Variants in LMO3 observed in about 807,000 individuals in gnomAD.
LMO3 encodes LIM domain only 3, also known as LIM domain only protein 3.
A neutral mutation model predicts 15.8 loss-of-function variants in LMO3; 2 were observed. The ratio of observed to expected loss-of-function variants is 0.13; its 90% CI spans 0.05 to 0.40. LMO3 has a LOEUF of 0.40. Among genes scored for constraint, LMO3 ranks in the 10% least tolerant of loss-of-function variants. The pLI is 0.99. For missense variants in LMO3, 86 were observed against 182.2 expected (o/e 0.47, Z 3.04); for synonymous variants, 62 against 63.8 (o/e 0.97, Z 0.13).
In LMO3 at chr12:16,560,346, C is replaced by A. The variant is rs1453353147; in HGVS notation, c.332+67G>T. 1.3e-6 allele frequency: 2 copies of A among 1,498,916 alleles called. No homozygotes were observed. Among genetic ancestry groups the A allele is most frequent in the Admixed American group, 2.1e-5 (1 of 47,968 alleles). 92.9% of individuals were successfully genotyped at this position (1,498,916 alleles called of 1,614,324 possible). On this transcript the variant is annotated intron_variant, in intron 3 of 3. Coordinates refer to ENST00000537304, the MANE Select transcript of LMO3 (RefSeq NM_018640.5). This position sits in a 1 kb window ranked among gnomAD's most constrained non-coding sequence, Gnocchi z 5.0. ...TTAAATGTATGAATATAATTTCCACCTATTAAATAAATAGCCAGCACAGAG... is the reference window on the plus strand; with the variant it reads ...TTAAATGTATGAATATAATTTCCACATATTAAATAAATAGCCAGCACAGAG...
At chr12:16,606,723 G>C (rs1014910595), upstream of LMO3, 2 of 152,060 alleles carry the variant, frequency 1.3e-5, no homozygotes, top group Non-Finnish European at 2.9e-5. Context: ...AGTGCAGTCA[G>C]CACAACCACA....
chr12:16,577,916 T>C (rs1404688737), intron 2 of LMO3, among the ~76,000 whole-genome samples: 1 of 152,230 alleles, frequency 6.6e-6, no homozygotes, highest in Non-Finnish European at 1.5e-5. Context: ...GTGACATTTT[T>C]AGACTAAAAT....
chr12:16,574,061 G>A (rs1369896555), intron 2 of LMO3: 1 of 152,032 alleles, frequency 6.6e-6, no homozygotes, highest in African/African-American at 2.4e-5. Flanking sequence ...GTGTCCACGT[G>A]GACCTGCAGC....
chr12:16,564,896 G>A (rs941536089), intron 2 of LMO3, among the ~76,000 whole-genome samples: 1 of 151,890 alleles, frequency 6.6e-6, no homozygotes, highest in Non-Finnish European at 1.5e-5. Context: ...AGTGATCTTC[G>A]TGCCTCAGCT....
At position 16,604,948 on chromosome 12, in the gene LMO3, G is replaced by A; in HGVS notation, c.-9+1118C>T. 1 of 1,598,344 alleles carries A rather than the reference G, an allele frequency of 6.3e-7. No homozygotes were observed. Among genetic ancestry groups the A allele is most frequent in the Admixed American group, 1.7e-5 (1 of 60,016 alleles). On this transcript the variant is annotated intron_variant, in intron 1 of 3. Coordinates refer to ENST00000537304, the MANE Select transcript of LMO3 (RefSeq NM_018640.5). The surrounding 1 kb of genome is among the most constrained non-coding windows in gnomAD (Gnocchi z 5.3). ...TTCGCATTGAGCACCAAACCCAAAG[G>A]TAGAAGTAGAAGGGGGTCTCCTTGA...
rs1339828411 is a variant in LMO3 at position 16,585,572 on chromosome 12, C to T, written c.206+15083G>A. Among the ~76,000 whole-genome samples, 1 of 152,190 alleles carries T rather than the reference C, an allele frequency of 6.6e-6. No individual in the cohort carries two copies. ...CCTTTCCTAAATTCCTCTCACTCAG[C>T]TATCTGAGCATCTCTCATGCATCAG... On this transcript the variant is annotated intron_variant, in intron 2 of 3. Transcript: ENST00000537304. This position sits in a 1 kb window ranked among gnomAD's most constrained non-coding sequence, Gnocchi z 4.7.
chr12:16,574,308 G>T (rs939500394), intron 2 of LMO3, among the ~76,000 whole-genome samples: 5 of 152,270 alleles, frequency 3.3e-5, no homozygotes, highest in African/African-American at 1.2e-4. Context: ...CAGGATGTCT[G>T]ATCAACGAAA....
intron 2 of LMO3, among the ~76,000 whole-genome samples, chr12:16,588,490 C>A (rs1411438391): frequency 6.6e-6 from 1 of 151,972 alleles, no homozygotes; most frequent in East Asian, 1.9e-4. Context: ...GGCCATAGAA[C>A]TTTTATAAGG....
intron 2 of LMO3, among the ~76,000 whole-genome samples, chr12:16,581,251 T>C (rs1022530193): frequency 6.6e-6 from 1 of 152,004 alleles, no homozygotes; most frequent in African/African-American, 2.4e-5. Context: ...TAAGGATGGG[T>C]TCTGGAGTCA....
chr12:16,575,746 T>C (rs1271336670), intron 2 of LMO3, among the ~76,000 whole-genome samples: 2 of 152,202 alleles, frequency 1.3e-5, no homozygotes, highest in Non-Finnish European at 1.5e-5. Context: ...CCTCAGAGGC[T>C]ATTCACTACT....
intron 2 of LMO3, among the ~76,000 whole-genome samples, chr12:16,565,227 G>T (rs1181592735): frequency 6.6e-6 from 1 of 152,196 alleles, no homozygotes; most frequent in East Asian, 1.9e-4. Flanking sequence ...CAATTGAAAA[G>T]ATTTTTAACT....
chr12:16,558,587 G>A (rs556492730), intron 3 of LMO3, among the ~76,000 whole-genome samples: 6 of 151,970 alleles, frequency 3.9e-5, no homozygotes, highest in South Asian at 4.2e-4. Context: ...ATTTATTTTC[G>A]TCTAAATGTT....
At chr12:16,583,947 A>G (rs184687792) in intron 2 of LMO3, among the ~76,000 whole-genome samples, 1 of 152,314 alleles carries the variant, frequency 6.6e-6, no homozygotes, top group East Asian at 1.9e-4. Flanking sequence ...CAGTGCTATT[A>G]CAAGTGAAAC....
At chr12:16,551,831 T>C (rs1431350265) in intron 3 of LMO3, among the ~76,000 whole-genome samples, 1 of 152,046 alleles carries the variant, frequency 6.6e-6, no homozygotes. Context: ...TACTCTGTTA[T>C]TAAAATGTGA....
chr12:16,582,419 G>A lies in LMO3; in HGVS notation c.206+18236C>T, dbSNP rs1943190146. 6.6e-6 allele frequency among the ~76,000 whole-genome samples: 1 copy of A among 152,126 alleles called. No individual in the cohort carries two copies. Among genetic ancestry groups the A allele is most frequent in the Admixed American group, 6.5e-5 (1 of 15,270 alleles). On this transcript the variant is annotated intron_variant, in intron 2 of 3. Transcript: ENST00000537304. This position sits in a 1 kb window ranked among gnomAD's most constrained non-coding sequence, Gnocchi z 4.1. The stretch of plus-strand genomic sequence containing the variant: ...GTATCTGTATGCAAAAATAGCATTA[G>A]TGTTTTATATTTTATATTGTCTTTA...
intron 2 of LMO3, among the ~76,000 whole-genome samples, chr12:16,562,092 T>G (rs1391154010): frequency 3.3e-5 from 5 of 152,216 alleles, no homozygotes; most frequent in Non-Finnish European, 7.3e-5. Flanking sequence ...AAGAAAGAAC[T>G]TGCTCGAAAA....
chr12:16,583,377 C>CTTTTTACAGAACAT (rs1395649910), intron 2 of LMO3, among the ~76,000 whole-genome samples: 2 of 151,936 alleles, frequency 1.3e-5, no homozygotes, highest in Non-Finnish European at 1.5e-5. Context: ...GATAAAGCAT[C>CTTTTTACAGAACAT]TTTTTACAGA....
At chr12:16,594,622 T>C (rs1311384282) in intron 2 of LMO3, among the ~76,000 whole-genome samples, 1 of 151,558 alleles carries the variant, frequency 6.6e-6, no homozygotes, top group Non-Finnish European at 1.5e-5. Flanking sequence ...TCAAACCAAA[T>C]ACCAAAATAA....
chr12:16,594,672 G>C (rs892622213), intron 2 of LMO3, among the ~76,000 whole-genome samples: 3 of 151,464 alleles, frequency 2.0e-5, no homozygotes, highest in African/African-American at 7.3e-5. Context: ...GAAATACAAC[G>C]GTCATTTAGG....
Sources: allele counts gnomAD v4.1 joint callset (sites outside exome capture counted in the v4.1 genomes callset), GRCh38; gene constraint gnomAD v4.1.1; non-coding constraint Gnocchi (gnomAD v3.1); transcripts MANE v1.5; gene names NCBI Gene and HGNC (gene_info 2026-07-23, HGNC 2026-07-21).